PKNOX1: variants seen among roughly 807,000 people sequenced by gnomAD.
PKNOX1 encodes homeobox protein PKNOX1.
In PKNOX1, 15 loss-of-function variants were observed where a neutral mutation model predicts 51.9. The ratio of observed to expected loss-of-function variants is 0.29; its 90% CI spans 0.19 to 0.45. The LOEUF (loss-of-function observed/expected upper bound fraction) is 0.45, where lower values mean the gene tolerates loss of function less well. PKNOX1 is among the 20% of genes least tolerant of loss of function. PKNOX1 has a pLI of 1.00. For synonymous variants in PKNOX1, 219 were observed against 211.1 expected (o/e 1.04, Z -0.32); for missense variants, 462 against 547.5 (o/e 0.84, Z 1.56).
intron 1 of PKNOX1, among the ~76,000 whole-genome samples, chr21:42,998,566 C>T (rs563285519): frequency 9.2e-5 from 14 of 152,280 alleles, no homozygotes; most frequent in South Asian, 2.1e-4. Flanking sequence ...AAATCAAAAG[C>T]GGGTTAGTTA....
At chr21:42,994,737 A>G (rs1978414854) in intron 1 of PKNOX1, among the ~76,000 whole-genome samples, 2 of 152,080 alleles carry the variant, frequency 1.3e-5, no homozygotes. Context: ...GGTGATATTT[A>G]TGCTGTGAGC....
chr21:43,008,138 A>C (rs2146267025), intron 3 of PKNOX1, among the ~76,000 whole-genome samples: 1 of 152,158 alleles, frequency 6.6e-6, no homozygotes, highest in East Asian at 1.9e-4. Flanking sequence ...TTAGAATATC[A>C]ATCTATAAAT....
intron 1 of PKNOX1, among the ~76,000 whole-genome samples, chr21:42,995,553 C>T (rs1978463075): frequency 6.6e-6 from 1 of 152,024 alleles, no homozygotes; most frequent in Non-Finnish European, 1.5e-5. Flanking sequence ...TGGCATGTGC[C>T]TATAGTTCTA....
In PKNOX1 at chr21:43,007,636, G is replaced by A. The variant is rs570189392; in HGVS notation, c.179+18G>A. On this transcript the variant is annotated intron_variant, in intron 3 of 10. Coordinates refer to ENST00000291547, the MANE Select transcript of PKNOX1 (RefSeq NM_004571.5). ...ATTTATAGGTAGTGCCCGGGGTGCC[G>A]GCTGTGGGGGCCTCAGAGGAGTGAG... 2.7e-5 allele frequency: 44 copies of A among 1,613,868 alleles called. No homozygotes were observed. The highest frequency in any genetic ancestry group is 2.4e-4 in the South Asian group (22 of 91,056).
chr21:43,011,993 G>T (rs1979275880), intron 4 of PKNOX1, among the ~76,000 whole-genome samples: 1 of 152,192 alleles, frequency 6.6e-6, no homozygotes, highest in Non-Finnish European at 1.5e-5. Context: ...CACCCCACTA[G>T]GCTGGCAGGG....
chr21:42,975,599 T>C (rs2058991470), intron 1 of PKNOX1, among the ~76,000 whole-genome samples: 1 of 152,256 alleles, frequency 6.6e-6, no homozygotes. Context: ...AAATGCCTTA[T>C]TTGGACAGTG....
chr21:43,007,824 G>A (rs1170272187), intron 3 of PKNOX1: 3 of 476,712 alleles, frequency 6.3e-6, no homozygotes, highest in Non-Finnish European at 1.1e-5. Flanking sequence ...AGCACTTTGG[G>A]AGGCTGAGGC....
chr21:43,010,198 T>C lies in PKNOX1; in HGVS notation c.325T>C (p.Cys109Arg). The change falls in exon 4 of 11, where the codon TGT becomes CGT. Residue 109 changes from cysteine (C) to arginine (R), a missense_variant. By Grantham distance (180) the Cys-to-Arg change is radical. Transcript: ENST00000291547. ...AGAGAAGGAAGGGAAACCTTTCTTT[T>C]GTGAAGATCCAGAAACTGATAATTT... is the stretch of plus-strand genomic sequence containing the variant. ...KQEKEGKPFF[C>R]EDPETDNLMV... The C allele has an allele frequency of 6.3e-7, 1 of 1,580,868 alleles. No individual in the cohort carries two copies. The highest frequency in any genetic ancestry group is 8.6e-7 in the Non-Finnish European group (1 of 1,162,910).
chr21:43,001,960 C>CAAATAAAT (rs34834721), intron 1 of PKNOX1, among the ~76,000 whole-genome samples: 6,255 of 146,202 alleles, frequency 0.043, 158 homozygotes, highest in Non-Finnish European at 0.06. Flanking sequence ...GACTCCGTCT[C>CAAATAAAT]AAATAAATAA....
intron 4 of PKNOX1, among the ~76,000 whole-genome samples, chr21:43,011,010 T>C (rs1312123733): frequency 6.6e-6 from 1 of 151,930 alleles, no homozygotes; most frequent in Non-Finnish European, 1.5e-5. Flanking sequence ...TGTCTGTCCT[T>C]GGCTTATCAT....
At chr21:42,989,523 T>C (rs1181427871) in intron 1 of PKNOX1, among the ~76,000 whole-genome samples, 1 of 152,108 alleles carries the variant, frequency 6.6e-6, no homozygotes, top group Non-Finnish European at 1.5e-5. Context: ...TTCAAGTGAT[T>C]CTCTCAAGTC....
intron 1 of PKNOX1, among the ~76,000 whole-genome samples, chr21:42,976,103 G>T (rs148568620): frequency 6.6e-6 from 1 of 152,180 alleles, no homozygotes; most frequent in Non-Finnish European, 1.5e-5. Flanking sequence ...GCGTACCTCA[G>T]ATAATTCGAG....
In PKNOX1 at chr21:42,996,945, A is replaced by G. The variant is rs1389748040; in HGVS notation, c.-56-7381A>G. On this transcript the variant is annotated intron_variant, in intron 1 of 10. Coordinates refer to ENST00000291547, the MANE Select transcript of PKNOX1 (RefSeq NM_004571.5). Reference sequence around the variant, plus strand: ...ATCCCGGCTGGAGTGCAGTGGCACGATCTCGGCTCACTGCAACCTTTGCCT... The same window carrying G: ...ATCCCGGCTGGAGTGCAGTGGCACGGTCTCGGCTCACTGCAACCTTTGCCT... 2.0e-5 allele frequency among the ~76,000 whole-genome samples: 3 copies of G among 150,676 alleles called. No homozygotes were observed. In the East Asian group the frequency reaches 5.8e-4, roughly 29 times the overall value.
chr21:42,975,174 C>T lies in PKNOX1; in HGVS notation c.-57+510C>T, dbSNP rs575376178. Among the ~76,000 whole-genome samples, 421 of 145,714 alleles carry T rather than the reference C, an allele frequency of 2.9e-3. 2 individuals carry two copies. The highest frequency in any genetic ancestry group is 9.4e-3 in the African/African-American group (381 of 40,414). On this transcript the variant is annotated intron_variant, in intron 1 of 10. Coordinates refer to ENST00000291547, the MANE Select transcript of PKNOX1 (RefSeq NM_004571.5). ...GTCGGGTCCGCGGCCTCGCGGAGTC[C>T]TCAGGGCCGGCGGGGCTGCTCGGAG...
At chr21:43,022,791 CAT>C (rs1222183648) in intron 8 of PKNOX1, among the ~76,000 whole-genome samples, 1 of 152,086 alleles carries the variant, frequency 6.6e-6, no homozygotes, top group Non-Finnish European at 1.5e-5. Context: ...GATGGAGTAT[CAT>C]ATGCATAGTT....
chr21:42,990,233 C>T (rs1012875406), intron 1 of PKNOX1, among the ~76,000 whole-genome samples: 4 of 151,756 alleles, frequency 2.6e-5, no homozygotes, highest in South Asian at 2.1e-4. Flanking sequence ...CACTCCAGCC[C>T]GGGTGACAGA....
chr21:42,988,320 A>G (rs1203448794), intron 1 of PKNOX1, among the ~76,000 whole-genome samples: 1 of 152,198 alleles, frequency 6.6e-6, no homozygotes, highest in Non-Finnish European at 1.5e-5. Context: ...AACTGCTGGG[A>G]TTACAGGCGT....
rs60175567 is a variant in PKNOX1 at position 43,018,047 on chromosome 21, CAAAAAAAA to C, written c.623-70_623-63del. Reference sequence around the variant, plus strand: ...CAACAAAGCAATGTCCCTGTCTCTACAAAAAAAAAAAAAAAAAAAAAAAGAAGAATGGT... The same window carrying C: ...CAACAAAGCAATGTCCCTGTCTCTACAAAAAAAAAAAAAAAGAAGAATGGT... On this transcript the variant is annotated intron_variant, in intron 6 of 10. Transcript: ENST00000291547. 177 of 279,934 alleles carry C rather than the reference CAAAAAAAA, an allele frequency of 6.3e-4. 1 individual carries two copies. In the Middle Eastern group the frequency reaches 6.4e-3, roughly 10 times the overall value. 17.3% of individuals were successfully genotyped at this position (279,934 alleles called of 1,614,324 possible). A position where few individuals can be genotyped will look rare whatever the true frequency, so the allele number is the denominator to read the frequency against.
Position 43,031,648 on chromosome 21 carries a change from C to T in PKNOX1, c.*1547C>T, listed in dbSNP as rs1027411778. ...GCTGAAGTTCATTTGTTTACAGGGT[C>T]GGGAATGTCTTCAGTTCTTGAGAGT... On this transcript the variant is annotated 3_prime_UTR_variant, in exon 11 of 11. Coordinates refer to ENST00000291547, the MANE Select transcript of PKNOX1 (RefSeq NM_004571.5). The T allele has an allele frequency of 1.3e-5, 2 of 152,796 alleles. No homozygotes were observed. The highest frequency in any genetic ancestry group is 2.4e-5 in the African/African-American group (1 of 41,414). 9.5% of individuals were successfully genotyped at this position (152,796 alleles called of 1,614,324 possible). A position where few individuals can be genotyped will look rare whatever the true frequency, so the allele number is the denominator to read the frequency against.
Sources: allele counts gnomAD v4.1 joint callset (sites outside exome capture counted in the v4.1 genomes callset), GRCh38; gene constraint gnomAD v4.1.1; transcripts MANE v1.5; gene names NCBI Gene and HGNC (gene_info 2026-07-23, HGNC 2026-07-21).